The following KCNIP4 variants were observed in gnomAD, a reference collection of about 807,000 sequenced individuals.
KCNIP4 encodes Kv channel-interacting protein 4.
Under a neutral mutation model 34.0 loss-of-function variants are expected in KCNIP4, and 12 were observed. The ratio of observed to expected loss-of-function variants is 0.35; its 90% CI spans 0.23 to 0.57. The LOEUF is 0.57. KCNIP4 is among the 20% of genes least tolerant of loss of function. KCNIP4 has a pLI of 0.83. For synonymous variants in KCNIP4, 124 were observed against 102.2 expected (o/e 1.21, Z -1.29); for missense variants, 238 against 311.7 (o/e 0.76, Z 1.78).
intron 1 of KCNIP4, among the ~76,000 whole-genome samples, chr4:21,286,271 G>A (rs181078689): frequency 6.6e-6 from 1 of 152,308 alleles, no homozygotes; most frequent in African/African-American, 2.4e-5. Context: ...TGAGTAAAAT[G>A]CTAGTCTGGA....
chr4:21,470,394 A>G (rs1235511718), intron 1 of KCNIP4, among the ~76,000 whole-genome samples: 1 of 152,178 alleles, frequency 6.6e-6, no homozygotes, highest in Non-Finnish European at 1.5e-5. Context: ...ATATTCATTG[A>G]GCCTCTTCTT....
intron 1 of KCNIP4, among the ~76,000 whole-genome samples, chr4:21,629,047 G>C (rs940440835): frequency 3.9e-5 from 6 of 152,126 alleles, no homozygotes; most frequent in Non-Finnish European, 8.8e-5. Context: ...CCCCTCCAAG[G>C]TGTTGGGTGG....
chr4:20,980,935 T>C (rs1736006407), intron 1 of KCNIP4, among the ~76,000 whole-genome samples: 1 of 152,214 alleles, frequency 6.6e-6, no homozygotes, highest in Non-Finnish European at 1.5e-5. Flanking sequence ...CATTTTCAGC[T>C]AGAAAGAATG....
chr4:21,229,819 C>T (rs1241622650), intron 1 of KCNIP4, among the ~76,000 whole-genome samples: 1 of 152,136 alleles, frequency 6.6e-6, no homozygotes, highest in Non-Finnish European at 1.5e-5. Flanking sequence ...TTCTGAGAGT[C>T]CCACTCAGAT....
chr4:21,905,713 G>T (rs1333268727), intron 1 of KCNIP4, among the ~76,000 whole-genome samples: 2 of 152,290 alleles, frequency 1.3e-5, no homozygotes, highest in East Asian at 3.9e-4. Flanking sequence ...ACCAGCATGT[G>T]TGCACATCTT....
At chr4:21,508,346 C>G (rs1394934537) in intron 1 of KCNIP4, among the ~76,000 whole-genome samples, 1 of 152,136 alleles carries the variant, frequency 6.6e-6, no homozygotes, top group African/African-American at 2.4e-5. Flanking sequence ...AGTCTGAAAA[C>G]ACGTAGACAA....
intron 1 of KCNIP4, among the ~76,000 whole-genome samples, chr4:21,252,351 C>T (rs1760772704): frequency 6.6e-6 from 1 of 152,006 alleles, no homozygotes; most frequent in South Asian, 2.1e-4. Context: ...TGGTCTCGAT[C>T]TCCTAACCTC....
intron 1 of KCNIP4, among the ~76,000 whole-genome samples, chr4:21,258,099 A>T (rs1560223627): frequency 6.6e-6 from 1 of 152,142 alleles, no homozygotes; most frequent in African/African-American, 2.4e-5. Flanking sequence ...CTTTCCAAAC[A>T]CTTTCTCATC....
At chr4:21,026,933 G>C (rs528647031) in intron 1 of KCNIP4, among the ~76,000 whole-genome samples, 2 of 152,264 alleles carry the variant, frequency 1.3e-5, no homozygotes, top group East Asian at 3.9e-4. Flanking sequence ...GTTGGATGAT[G>C]CAAACCTATG....
At chr4:21,573,146 T>G (rs1353330052) in intron 1 of KCNIP4, among the ~76,000 whole-genome samples, 1 of 152,156 alleles carries the variant, frequency 6.6e-6, no homozygotes, top group East Asian at 1.9e-4. Context: ...GCATTAGCGG[T>G]AGTAGCATTA....
chr4:21,121,598 A>G (rs545256801), intron 1 of KCNIP4, among the ~76,000 whole-genome samples: 2 of 152,336 alleles, frequency 1.3e-5, no homozygotes, highest in South Asian at 4.1e-4. Context: ...TACTACTTCT[A>G]ATTCCATCTG....
chr4:20,817,325 G>T (rs1716527332), intron 3 of KCNIP4, among the ~76,000 whole-genome samples: 1 of 152,134 alleles, frequency 6.6e-6, no homozygotes, highest in Non-Finnish European at 1.5e-5. Context: ...TGCACACACA[G>T]CCCATGCTAC....
intron 1 of KCNIP4, among the ~76,000 whole-genome samples, chr4:21,105,897 T>C (rs1231100020): frequency 6.6e-6 from 1 of 151,608 alleles, no homozygotes; most frequent in African/African-American, 2.4e-5. Flanking sequence ...CTGGATTACA[T>C]TTATTGATTT....
chr4:21,410,333 G>A (rs760327845), intron 1 of KCNIP4, among the ~76,000 whole-genome samples: 5 of 152,204 alleles, frequency 3.3e-5, no homozygotes, highest in Non-Finnish European at 1.5e-5. Context: ...CCCCTGGAAT[G>A]TAGGTCAGAC....
intron 1 of KCNIP4, among the ~76,000 whole-genome samples, chr4:21,694,035 A>G (rs1017470153): frequency 6.6e-6 from 1 of 152,204 alleles, no homozygotes; most frequent in Non-Finnish European, 1.5e-5. Context: ...AATATTGAAA[A>G]ATGTCAAAAC....
chr4:20,973,960 A>AAT (rs1436687625), intron 1 of KCNIP4, among the ~76,000 whole-genome samples: 1 of 152,200 alleles, frequency 6.6e-6, no homozygotes, highest in Admixed American at 6.5e-5. Context: ...AGATCACTAA[A>AAT]ATATATATAA....
chr4:21,844,992 T>C (rs1578061495), intron 1 of KCNIP4: 1 of 151,398 alleles, frequency 6.6e-6, no homozygotes, highest in East Asian at 1.9e-4. Flanking sequence ...CTGCACTGCA[T>C]ATTTGGATGC....
chr4:21,747,559 A>G (rs1419720190), intron 1 of KCNIP4, among the ~76,000 whole-genome samples: 2 of 152,142 alleles, frequency 1.3e-5, no homozygotes. Flanking sequence ...TTGGTAAAAT[A>G]CCAAGATTCA....
chr4:21,071,185 A>AT (rs1198775967), intron 1 of KCNIP4, among the ~76,000 whole-genome samples: 1 of 152,010 alleles, frequency 6.6e-6, no homozygotes, highest in Non-Finnish European at 1.5e-5. Flanking sequence ...GGTCCTGAAG[A>AT]TTTTCTCCCA....
Sources: gnomAD v4.1 joint callset for allele counts (sites outside exome capture counted in the v4.1 genomes callset) on GRCh38, gnomAD v4.1.1 for gene constraint, MANE v1.5 for transcripts, NCBI Gene and HGNC (gene_info 2026-07-23, HGNC 2026-07-21) for gene names.